Variants in CRACD observed in about 807,000 individuals in gnomAD.
The protein encoded by CRACD is capping protein-inhibiting regulator of actin dynamics.
CRACD carries 56 observed loss-of-function variants against 106.8 expected under a neutral mutation model. The ratio of observed to expected loss-of-function variants is 0.52; its 90% CI spans 0.42 to 0.66. The LOEUF is 0.66. CRACD is among the 30% of genes least tolerant of loss of function. CRACD has a pLI of 0.00. For synonymous variants in CRACD, 754 were observed against 670.8 expected (o/e 1.12, Z -1.92); for missense variants, 1,730 against 1,623.2 (o/e 1.07, Z -1.13).
intron 2 of CRACD, among the ~76,000 whole-genome samples, chr4:56,181,472 T>C (rs1348442561): frequency 6.6e-6 from 1 of 152,104 alleles, no homozygotes; most frequent in Non-Finnish European, 1.5e-5. Context: ...GAACACGTAC[T>C]CCCTCCACCC....
At chr4:56,057,828 T>G (rs1343469803) in intron 1 of CRACD, among the ~76,000 whole-genome samples, 4 of 90,108 alleles carry the variant, frequency 4.4e-5, no homozygotes, top group East Asian at 2.4e-4. Flanking sequence ...TTTTTTTTTT[T>G]TTTTTTTTGA....
At chr4:56,166,206 A>G (rs1294005955) in intron 1 of CRACD, among the ~76,000 whole-genome samples, 1 of 152,122 alleles carries the variant, frequency 6.6e-6, no homozygotes, top group Non-Finnish European at 1.5e-5. Context: ...CTGAGCCTTA[A>G]CCATATTTAT....
At chr4:56,216,904 C>T (rs1038154124) in intron 2 of CRACD, among the ~76,000 whole-genome samples, 18 of 145,984 alleles carry the variant, frequency 1.2e-4, no homozygotes, top group Non-Finnish European at 7.4e-5. Flanking sequence ...GGCGTGAACC[C>T]GGGAAGCGGA....
intron 10 of CRACD, among the ~76,000 whole-genome samples, chr4:56,326,921 G>C (rs1456876236): frequency 6.6e-6 from 1 of 151,898 alleles, no homozygotes; most frequent in African/African-American, 2.4e-5. Context: ...TGTATTTTTA[G>C]TAGAGACAGG....
intron 3 of CRACD, among the ~76,000 whole-genome samples, chr4:56,273,267 G>C (rs1742467550): frequency 6.6e-6 from 1 of 152,012 alleles, no homozygotes; most frequent in African/African-American, 2.4e-5. Context: ...GCCTGTTTAT[G>C]ATGGAGCTTT....
At chr4:56,166,675 CAAA>C (rs35537364) in intron 1 of CRACD, among the ~76,000 whole-genome samples, 2 of 92,740 alleles carry the variant, frequency 2.2e-5, no homozygotes, top group Non-Finnish European at 4.0e-5. Flanking sequence ...CACTCTGTCT[CAAA>C]AAAAAAAAAA....
intron 1 of CRACD, among the ~76,000 whole-genome samples, chr4:56,138,804 ACCT>A (rs1735093409): frequency 6.6e-6 from 1 of 152,206 alleles, no homozygotes; most frequent in Non-Finnish European, 1.5e-5. Context: ...AAACCTTTTG[ACCT>A]AGAAAACTGA....
intron 2 of CRACD, among the ~76,000 whole-genome samples, chr4:56,219,524 C>CT (rs1185703894): frequency 6.6e-6 from 1 of 151,974 alleles, no homozygotes; most frequent in Admixed American, 6.6e-5. Context: ...AACTTTTGTA[C>CT]TTTTAGTAGA....
chr4:56,205,606 C>G (rs949087068), intron 2 of CRACD, among the ~76,000 whole-genome samples: 1 of 151,432 alleles, frequency 6.6e-6, no homozygotes. Context: ...GACCAGTACT[C>G]CATTTTAGAA....
Position 56,315,668 on chromosome 4 carries a change from G to A in CRACD, c.2166G>A (p.Met722Ile). The A allele has an allele frequency of 6.2e-7, 1 of 1,614,226 alleles. No individual in the cohort carries two copies. The highest frequency in any genetic ancestry group is 8.5e-7 in the Non-Finnish European group (1 of 1,180,046). ...CAGTCAATGCAAAGTTCTCTATTATGCCTGCCTGGCAGAAATTTTCCGATG... is the reference window on the plus strand; with the variant it reads ...CAGTCAATGCAAAGTTCTCTATTATACCTGCCTGGCAGAAATTTTCCGATG... ...TPPVNAKFSI[M>I]PAWQKFSDGG... Residue 722 changes from methionine (M) to isoleucine (I), a missense_variant, in exon 8 of 11, where the codon ATG (methionine) becomes ATA (isoleucine). Physicochemically the swap from Met to Ile is conservative, Grantham distance 10. Around this residue, in one of 5 missense-constraint regions of CRACD, gnomAD observed 1,620 missense variants for 1,481.6 expected, o/e 1.09. Coordinates refer to ENST00000682029, the MANE Select transcript of CRACD (RefSeq NM_001393381.1). The surrounding 1 kb of genome is among the most constrained non-coding windows in gnomAD (Gnocchi z 4.1).
rs200705436 is a variant in CRACD, at chr4:56,316,700, G to C, written c.3187+11G>C. 1 of 1,597,682 alleles carries C rather than the reference G, an allele frequency of 6.3e-7. No homozygotes were observed. Among genetic ancestry groups the C allele is most frequent in the Admixed American group, 1.7e-5 (1 of 59,460 alleles). ...AGGCCGGGAGGAAAGGTAGGTAGCT[G>C]CAGGGTGGGTAACTGCTGCCAGCCG... is the stretch of plus-strand genomic sequence containing the variant. On this transcript the variant is annotated intron_variant, in intron 8 of 10. Coordinates refer to ENST00000682029, the MANE Select transcript of CRACD (RefSeq NM_001393381.1).
chr4:56,267,502 A>G (rs566916065), intron 2 of CRACD, among the ~76,000 whole-genome samples: 1 of 152,234 alleles, frequency 6.6e-6, no homozygotes, highest in Non-Finnish European at 1.5e-5. Flanking sequence ...ATTAGTTTTC[A>G]TAAATGAGAT....
At position 56,300,838 on chromosome 4, in the gene CRACD, C is replaced by A. The variant is rs115602611; in HGVS notation, c.120+2489C>A. On this transcript the variant is annotated intron_variant, in intron 4 of 10. Transcript: ENST00000682029. ...TCTGCAGTATTGGAAAGATAGAAAC[C>A]CAATAAAAATATTTCTGTTAACAGT... is the stretch of plus-strand genomic sequence containing the variant. Among the ~76,000 whole-genome samples, 1,124 of 152,110 alleles carry A rather than the reference C, an allele frequency of 7.4e-3. 12 individuals are homozygous for A. Among genetic ancestry groups the A allele is most frequent in the African/African-American group, 0.025 (1,055 of 41,496 alleles).
intron 1 of CRACD, among the ~76,000 whole-genome samples, chr4:56,160,518 T>C (rs28378225): frequency 0.37 from 56,273 of 152,008 alleles, 10,600 homozygotes; most frequent in Middle Eastern, 0.43. Flanking sequence ...ATTTATAAAG[T>C]TTATATTAAT....
Position 56,100,191 on chromosome 4 carries a change from C to T in CRACD, c.-336+50892C>T, listed in dbSNP as rs545983506. ...TCGGGAAGCGGAGGTTGCAGTGAGC[C>T]GAGAGCATGCCAATGCACTCCAGCC... On this transcript the variant is annotated intron_variant, in intron 1 of 10. Transcript: ENST00000682029. Among the ~76,000 whole-genome samples, 10 of 151,890 alleles carry T rather than the reference C, an allele frequency of 6.6e-5. No individual in the cohort carries two copies. In the East Asian group the frequency reaches 1.6e-3, roughly 24 times the overall value.
chr4:56,061,124 T>C (rs949516562), intron 1 of CRACD, among the ~76,000 whole-genome samples: 7 of 152,202 alleles, frequency 4.6e-5, no homozygotes, highest in Non-Finnish European at 8.8e-5. Context: ...GACCTGGCTC[T>C]AAGGCCCGGC....
intron 2 of CRACD, among the ~76,000 whole-genome samples, chr4:56,223,558 A>G (rs977941301): frequency 1.3e-5 from 2 of 152,100 alleles, no homozygotes; most frequent in African/African-American, 4.8e-5. Context: ...TGTGGTTCCA[A>G]CTTTTTCTTT....
chr4:56,287,305 G>A (rs568295384), intron 3 of CRACD, among the ~76,000 whole-genome samples: 1 of 142,542 alleles, frequency 7.0e-6, no homozygotes, highest in African/African-American at 2.8e-5. Flanking sequence ...TTTTTTTTTT[G>A]ATACAGAGTC....
chr4:56,254,996 C>T (rs985979510), intron 2 of CRACD, among the ~76,000 whole-genome samples: 16 of 151,244 alleles, frequency 1.1e-4, no homozygotes, highest in Non-Finnish European at 2.2e-4. Flanking sequence ...CACCTATAGT[C>T]CCAGCTACTC....
Sources: gnomAD v4.1 joint callset for allele counts (sites outside exome capture counted in the v4.1 genomes callset) on GRCh38, gnomAD v4.1.1 for gene constraint, gnomAD v4.1.1 regional missense constraint, Gnocchi (gnomAD v3.1) non-coding constraint, MANE v1.5 for transcripts, NCBI Gene and HGNC (gene_info 2026-07-23, HGNC 2026-07-21) for gene names.